Variants in PELI2 observed in about 807,000 individuals in gnomAD.
PELI2 encodes the protein E3 ubiquitin-protein ligase pellino homolog 2.
A neutral mutation model predicts 42.3 loss-of-function variants in PELI2; 23 were observed. That is an observed-to-expected ratio of 0.54 (90% CI 0.39 to 0.77). The LOEUF is 0.77. Ranked by LOEUF, PELI2 falls within the 30% of genes least tolerant of loss-of-function variation. The pLI is 0.00. For missense variants in PELI2, 463 were observed against 553.2 expected (o/e 0.84, Z 1.64); for synonymous variants, 245 against 212.2 (o/e 1.15, Z -1.34).
rs61987042 is a variant in PELI2, at chr14:56,152,993, G to A, written c.78-25342G>A. ...GTATGTATACACACCTACCTCTGCA[G>A]TTCCAAAATTAGCTGCTTAGAGCAC... On this transcript the variant is annotated intron_variant, in intron 1 of 5. Transcript: ENST00000267460. 3.0e-3 allele frequency among the ~76,000 whole-genome samples: 457 copies of A among 152,288 alleles called. 1 individual carries two copies. The highest frequency in any genetic ancestry group is 3.9e-3 in the Non-Finnish European group (268 of 68,034).
At chr14:56,266,296 A>G (rs997147638) in intron 2 of PELI2, among the ~76,000 whole-genome samples, 1 of 152,140 alleles carries the variant, frequency 6.6e-6, no homozygotes, top group South Asian at 2.1e-4. Flanking sequence ...CTGCATGGCA[A>G]AAAAACCCAC....
intron 2 of PELI2, among the ~76,000 whole-genome samples, chr14:56,276,049 A>G (rs1419229989): frequency 7.2e-5 from 11 of 152,358 alleles, no homozygotes; most frequent in African/African-American, 2.4e-4. Context: ...TCTGTCATTT[A>G]CTAGAAACTC....
chr14:56,198,622 G>T (rs758469278), intron 2 of PELI2, among the ~76,000 whole-genome samples: 6 of 152,180 alleles, frequency 3.9e-5, no homozygotes, highest in Non-Finnish European at 7.4e-5. Flanking sequence ...ATAAGCAGGA[G>T]ATGAGCAAGT....
intron 2 of PELI2, among the ~76,000 whole-genome samples, chr14:56,201,943 A>G (rs1271350866): frequency 6.6e-6 from 1 of 152,262 alleles, no homozygotes; most frequent in Non-Finnish European, 1.5e-5. Flanking sequence ...TGTGTTAGAT[A>G]CTATTCTAGC....
intron 2 of PELI2, among the ~76,000 whole-genome samples, chr14:56,216,967 G>A (rs1190837602): frequency 6.6e-6 from 1 of 152,062 alleles, no homozygotes; most frequent in East Asian, 1.9e-4. Flanking sequence ...AAATTATTTA[G>A]TCCTTTGTCA....
At chr14:56,141,791 A>G (rs1181928525) in intron 1 of PELI2, among the ~76,000 whole-genome samples, 1 of 152,176 alleles carries the variant, frequency 6.6e-6, no homozygotes. Context: ...AGCCCTTGAC[A>G]CGTGGGGTTT....
At chr14:56,214,904 T>A (rs558360678) in intron 2 of PELI2, among the ~76,000 whole-genome samples, 98 of 152,320 alleles carry the variant, frequency 6.4e-4, no homozygotes, top group African/African-American at 2.3e-3. Context: ...ATTGCCAGCG[T>A]TGACAGAGGA....
At chr14:56,210,408 G>T (rs1203661970) in intron 2 of PELI2, among the ~76,000 whole-genome samples, 1 of 152,008 alleles carries the variant, frequency 6.6e-6, no homozygotes, top group African/African-American at 2.4e-5. Flanking sequence ...GTGTTTTATT[G>T]TAAGCCTTTT....
intron 2 of PELI2, among the ~76,000 whole-genome samples, chr14:56,230,298 T>A (rs975041556): frequency 2.0e-5 from 3 of 152,032 alleles, no homozygotes; most frequent in South Asian, 2.1e-4. Flanking sequence ...CACATGATTG[T>A]CAGATTCACC....
chr14:56,227,516 T>G (rs367671129), intron 2 of PELI2, among the ~76,000 whole-genome samples: 29 of 152,346 alleles, frequency 1.9e-4, no homozygotes, highest in East Asian at 1.3e-3. Flanking sequence ...TAGTTTTGAA[T>G]TGGAGTTATT....
At chr14:56,149,436 T>G (rs761025825) in intron 1 of PELI2, among the ~76,000 whole-genome samples, 6 of 152,202 alleles carry the variant, frequency 3.9e-5, no homozygotes, top group Non-Finnish European at 8.8e-5. Flanking sequence ...TAATCACATG[T>G]GGAATTATGC....
At chr14:56,198,010 A>ACACCCACC (rs57599256) in intron 2 of PELI2, among the ~76,000 whole-genome samples, 11 of 114,618 alleles carry the variant, frequency 9.6e-5, no homozygotes, top group Admixed American at 2.6e-4. Context: ...ACACACACAC[A>ACACCCACC]CACCCACCTC....
chr14:56,139,682 G>A (rs1410787972), intron 1 of PELI2, among the ~76,000 whole-genome samples: 1 of 151,876 alleles, frequency 6.6e-6, no homozygotes, highest in Non-Finnish European at 1.5e-5. Flanking sequence ...GTTTTTCTAT[G>A]TTGCAAACTT....
intron 2 of PELI2, among the ~76,000 whole-genome samples, chr14:56,196,544 G>C (rs1473258538): frequency 6.6e-6 from 1 of 152,184 alleles, no homozygotes; most frequent in Non-Finnish European, 1.5e-5. Context: ...TCTTGCTTTT[G>C]TACATTCTTT....
chr14:56,127,462 G>T (rs1208886399), intron 1 of PELI2, among the ~76,000 whole-genome samples: 1 of 152,226 alleles, frequency 6.6e-6, no homozygotes, highest in African/African-American at 2.4e-5. Context: ...GTCTGTGACT[G>T]TCGGCAGTAA....
At chr14:56,290,223 A>G in intron 4 of PELI2, 45 bp from the exon 5 acceptor site, 1 of 1,407,694 alleles carries the variant, frequency 7.1e-7, no homozygotes, top group Non-Finnish European at 9.5e-7. Context: ...TTCCATTTCA[A>G]CATCATCTTA....
At chr14:56,233,743 A>G (rs529653219) in intron 2 of PELI2, among the ~76,000 whole-genome samples, 4 of 152,380 alleles carry the variant, frequency 2.6e-5, no homozygotes, top group Admixed American at 2.0e-4. Context: ...ACAAAAGGCA[A>G]AATTGACAAA....
chr14:56,231,254 A>C (rs560659466), intron 2 of PELI2, among the ~76,000 whole-genome samples: 1 of 152,166 alleles, frequency 6.6e-6, no homozygotes, highest in African/African-American at 2.4e-5. Context: ...TGCACCAAGC[A>C]GACCTAATAG....
intron 1 of PELI2, among the ~76,000 whole-genome samples, chr14:56,122,431 A>G (rs1431210519): frequency 6.6e-6 from 1 of 152,146 alleles, no homozygotes; most frequent in African/African-American, 2.4e-5. Context: ...TCACTTTAAG[A>G]CAGATTCCAG....
Sources: allele counts gnomAD v4.1 joint callset (sites outside exome capture counted in the v4.1 genomes callset), GRCh38; gene constraint gnomAD v4.1.1; transcripts MANE v1.5; gene names NCBI Gene and HGNC (gene_info 2026-07-23, HGNC 2026-07-21).